STK3: variants seen among roughly 807,000 people sequenced by gnomAD.
STK3 encodes serine/threonine kinase 3.
In STK3, 41 loss-of-function variants were observed where a neutral mutation model predicts 58.0. That is an observed-to-expected ratio of 0.71 (90% CI 0.55 to 0.92). The LOEUF is 0.92. Among genes scored for constraint, STK3 ranks in the 40% least tolerant of loss-of-function variants. STK3 has a pLI of 0.00. For missense variants in STK3, 479 were observed against 602.7 expected, an observed-to-expected ratio of 0.79 and a Z score of 2.15; for synonymous variants, 170 against 191.0, an observed-to-expected ratio of 0.89 and a Z score of 0.91.
intron 1 of STK3, among the ~76,000 whole-genome samples, chr8:98,815,984 C>CTA (rs143820365): frequency 0.015 from 2,220 of 148,616 alleles, 53 homozygotes; most frequent in African/African-American, 0.046. Flanking sequence ...CAAACCCCAT[C>CTA]TATATATATA....
intron 10 of STK3, among the ~76,000 whole-genome samples, chr8:98,456,635 CT>C (rs960257326): frequency 2.0e-5 from 3 of 152,058 alleles, no homozygotes; most frequent in Admixed American, 2.0e-4. Flanking sequence ...TCTTCTTCTT[CT>C]TATTTTTTTT....
chr8:98,798,859 G>T (rs1037295915), intron 1 of STK3, among the ~76,000 whole-genome samples: 1 of 152,164 alleles, frequency 6.6e-6, no homozygotes, highest in African/African-American at 2.4e-5. Context: ...TCCTCACCTC[G>T]TGAATGGGAT....
intron 3 of STK3, among the ~76,000 whole-genome samples, chr8:98,753,680 A>G (rs1291399951): frequency 6.6e-6 from 1 of 152,104 alleles, no homozygotes; most frequent in Non-Finnish European, 1.5e-5. Flanking sequence ...TCTAAAAAAC[A>G]AAAGTTTAAA....
chr8:98,477,706 G>T (rs1821452714), intron 10 of STK3, among the ~76,000 whole-genome samples: 1 of 76,842 alleles, frequency 1.3e-5, no homozygotes, highest in Non-Finnish European at 2.7e-5. Flanking sequence ...ACTTGGCGGG[G>T]GGGGGGGGGG....
chr8:98,691,990 A>G (rs1330202384), intron 6 of STK3, among the ~76,000 whole-genome samples: 1 of 152,096 alleles, frequency 6.6e-6, no homozygotes, highest in Admixed American at 6.6e-5. Context: ...AGATATACAT[A>G]ATGGATAATG....
At chr8:98,486,133 G>T (rs542399799) in intron 10 of STK3, among the ~76,000 whole-genome samples, 3 of 152,188 alleles carry the variant, frequency 2.0e-5, no homozygotes, top group Non-Finnish European at 4.4e-5. Context: ...GCCTTTTGGC[G>T]TTGGGCATGT....
intron 1 of STK3, among the ~76,000 whole-genome samples, chr8:98,913,599 G>A (rs1839231293): frequency 6.6e-6 from 1 of 152,240 alleles, no homozygotes; most frequent in African/African-American, 2.4e-5. Context: ...ATGCCGCCAA[G>A]GAGATGCCAG....
At chr8:98,832,897 A>G (rs555821027) in intron 3 of STK3, among the ~76,000 whole-genome samples, 1 of 152,296 alleles carries the variant, frequency 6.6e-6, no homozygotes, top group African/African-American at 2.4e-5. Flanking sequence ...TTCTGAATAC[A>G]ACTTTTATAA....
chr8:98,445,501 ACT>A (rs146259397), intron 1 of STK3, among the ~76,000 whole-genome samples: 1 of 152,298 alleles, frequency 6.6e-6, no homozygotes, highest in African/African-American at 2.4e-5. Flanking sequence ...GAGATATTTT[ACT>A]TTTTTTGTAT....
At chr8:98,923,869 GCGCGCGC>G (rs1564107687) in intron 1 of STK3, among the ~76,000 whole-genome samples, 3 of 138,522 alleles carry the variant, frequency 2.2e-5, no homozygotes, top group Admixed American at 7.1e-5. Context: ...GCGCGCGCGC[GCGCGCGC>G]GTTGACAATG....
chr8:98,865,090 T>G (rs1837085070), intron 3 of STK3, among the ~76,000 whole-genome samples: 1 of 152,122 alleles, frequency 6.6e-6, no homozygotes, highest in Non-Finnish European at 1.5e-5. Flanking sequence ...CATACAGCAT[T>G]TATTACTGTA....
At chr8:98,659,183 T>A (rs1201124624) in intron 6 of STK3, among the ~76,000 whole-genome samples, 1 of 152,072 alleles carries the variant, frequency 6.6e-6, no homozygotes, top group Non-Finnish European at 1.5e-5. Flanking sequence ...GTATTAAAAA[T>A]TCTTTCATAC....
At chr8:98,647,724 G>A (rs1820512182) in intron 6 of STK3, among the ~76,000 whole-genome samples, 1 of 152,120 alleles carries the variant, frequency 6.6e-6, no homozygotes, top group Admixed American at 6.6e-5. Flanking sequence ...CAAGGCTGGT[G>A]TTGAATTCCT....
intron 6 of STK3, among the ~76,000 whole-genome samples, chr8:98,658,818 A>G (rs1821744108): frequency 1.3e-5 from 2 of 152,076 alleles, no homozygotes; most frequent in African/African-American, 4.8e-5. Flanking sequence ...GGTTAACATG[A>G]AACAATTCCA....
intron 3 of STK3, among the ~76,000 whole-genome samples, chr8:98,393,292 C>G (rs1817865313): frequency 2.6e-5 from 4 of 152,160 alleles, no homozygotes; most frequent in Non-Finnish European, 5.9e-5. Context: ...CTGAGTGACC[C>G]TGGGCCTGTC....
intron 6 of STK3, among the ~76,000 whole-genome samples, chr8:98,690,439 C>T (rs1196662247): frequency 1.6e-5 from 2 of 121,328 alleles, no homozygotes; most frequent in Non-Finnish European, 3.4e-5. Flanking sequence ...ATGCCATTTA[C>T]AATTCCTACC....
chr8:98,408,968 A>G (rs1033740152), intron 3 of STK3, among the ~76,000 whole-genome samples: 1 of 152,096 alleles, frequency 6.6e-6, no homozygotes, highest in African/African-American at 2.4e-5. Context: ...CCCTGTTGCT[A>G]TGCTGTCTTC....
chr8:98,801,372 C>T (rs369047810), intron 1 of STK3, among the ~76,000 whole-genome samples: 17 of 152,164 alleles, frequency 1.1e-4, no homozygotes, highest in East Asian at 9.7e-4. Flanking sequence ...AGTGGTAACC[C>T]GCTCGGTCCC....
At chr8:98,653,389 C>T (rs996767535) in intron 6 of STK3, among the ~76,000 whole-genome samples, 1 of 151,922 alleles carries the variant, frequency 6.6e-6, no homozygotes, top group African/African-American at 2.4e-5. Context: ...AGGAAAGATC[C>T]AAAATTGACA....
Sources: gnomAD v4.1 joint callset for allele counts (sites outside exome capture counted in the v4.1 genomes callset) on GRCh38, gnomAD v4.1.1 for gene constraint, MANE v1.5 for transcripts, NCBI Gene and HGNC (gene_info 2026-07-23, HGNC 2026-07-21) for gene names.